The following LGR6 variants were observed in gnomAD, a reference collection of about 807,000 sequenced individuals.
LGR6 encodes the protein leucine-rich repeat-containing G protein-coupled receptor 6.
Under a neutral mutation model 69.4 loss-of-function variants are expected in LGR6, and 45 were observed. That is an observed-to-expected ratio of 0.65 (90% CI 0.51 to 0.83). The LOEUF is 0.83. Among genes scored for constraint, LGR6 ranks in the 40% least tolerant of loss-of-function variants. The probability of loss-of-function intolerance (pLI) is 0.00; values close to 1 mark genes in which losing one functional copy is unlikely to be tolerated. For synonymous variants in LGR6, 538 were observed against 555.0 expected, an observed-to-expected ratio of 0.97 and a Z score of 0.43; for missense variants, 1,108 against 1,246.7, an observed-to-expected ratio of 0.89 and a Z score of 1.68.
chr1:202,318,703 C>CT lies in LGR6; in HGVS notation c.2402dup (p.Val803CysfsTer35). On this transcript the variant is annotated frameshift_variant, in exon 18 of 18. Coordinates refer to ENST00000367278, the MANE Select transcript of LGR6 (RefSeq NM_001017403.2). LOFTEE classifies it low-confidence loss of function (END_TRUNC). ...TCAGCTTTGCCTCCATGCTGGGCCTCTTCCCTGTCACGCCCGAGGCCGTCA... is the reference window on the plus strand; with the variant it reads ...TCAGCTTTGCCTCCATGCTGGGCCTCTTTCCCTGTCACGCCCGAGGCCGTCA... 1 of 1,613,670 alleles carries CT rather than the reference C, an allele frequency of 6.2e-7. No individual in the cohort carries two copies. The highest frequency in any genetic ancestry group is 8.5e-7 in the Non-Finnish European group (1 of 1,180,030).
chr1:202,318,633 G>A lies in LGR6; in HGVS notation c.2330G>A (p.Trp777Ter). The change falls in exon 18 of 18, where the codon TGG (tryptophan) becomes TAG (stop). Residue 777 changes from tryptophan to a stop codon, truncating the protein, a stop_gained. Coordinates refer to ENST00000367278, the MANE Select transcript of LGR6 (RefSeq NM_001017403.2). LOFTEE classifies it low-confidence loss of function (END_TRUNC). The part of the protein sequence containing the change: ...WDCAMVRHVA[W>*]LIFADGLLYC... Reference sequence around the variant, plus strand: ...TGCGCCATGGTGAGGCACGTGGCCTGGCTCATCTTCGCAGACGGGCTCCTC... The same window carrying A: ...TGCGCCATGGTGAGGCACGTGGCCTAGCTCATCTTCGCAGACGGGCTCCTC... 1 of 1,613,910 alleles carries A rather than the reference G, an allele frequency of 6.2e-7. No individual in the cohort carries two copies.
intron 4 of LGR6, among the ~76,000 whole-genome samples, chr1:202,237,334 C>T (rs1166461176): frequency 2.0e-5 from 3 of 152,236 alleles, no homozygotes; most frequent in Admixed American, 2.0e-4. Context: ...TGCTTGCTCC[C>T]CACCCGCAGG....
In LGR6 at chr1:202,194,012, G is replaced by A. The variant is rs963485863; in HGVS notation, c.23G>A (p.Arg8Gln). 5.1e-6 allele frequency: 7 copies of A among 1,380,366 alleles called. No homozygotes were observed. The highest frequency in any genetic ancestry group is 6.4e-5 in the Admixed American group (2 of 31,260). The allele number at this position is 1,380,366 out of a possible 1,614,324, so 85.5% of individuals were successfully genotyped here. A position where few individuals can be genotyped will look rare whatever the true frequency, so the allele number is the denominator to read the frequency against. MPSPPGL[R>Q]ALWLCAALCA... Reference sequence around the variant, plus strand: ...GAGATGCCCAGCCCGCCGGGGCTCCGGGCGCTATGGCTTTGCGCCGCGCTG... The same window carrying A: ...GAGATGCCCAGCCCGCCGGGGCTCCAGGCGCTATGGCTTTGCGCCGCGCTG... Residue 8 changes from arginine (R) to glutamine (Q), a missense_variant, in exon 1 of 18, where the codon CGG becomes CAG. Arg to Gln is a conservative substitution (Grantham distance 43, BLOSUM62 1). Transcript: ENST00000367278.
intron 1 of LGR6, chr1:202,197,576 A>T (rs1238623735): frequency 4.8e-6 from 2 of 416,860 alleles, no homozygotes; most frequent in Non-Finnish European, 4.8e-6. Context: ...GGTGACGAGA[A>T]GGCATGATGC....
chr1:202,247,457 C>G (rs1662812882), intron 4 of LGR6, among the ~76,000 whole-genome samples: 1 of 152,206 alleles, frequency 6.6e-6, no homozygotes, highest in South Asian at 2.1e-4. Context: ...GGTCTGTCCC[C>G]TAGGCCCTAA....
intron 4 of LGR6, 164 bp from the exon 5 acceptor site, chr1:202,276,142 G>A (rs1571945763): frequency 1.7e-6 from 1 of 593,186 alleles, no homozygotes; most frequent in East Asian, 2.7e-5. Context: ...GCCAAATATG[G>A]GAACTCGAAG....
intron 4 of LGR6, among the ~76,000 whole-genome samples, chr1:202,258,559 G>A (rs1663972232): frequency 6.6e-6 from 1 of 151,634 alleles, no homozygotes; most frequent in Non-Finnish European, 1.5e-5. Flanking sequence ...TATTTATTGG[G>A]TTGTGTTTGT....
chr1:202,288,522 G>A (rs912291107), intron 6 of LGR6, among the ~76,000 whole-genome samples: 1 of 152,166 alleles, frequency 6.6e-6, no homozygotes, highest in African/African-American at 2.4e-5. Context: ...CTGGGCTTCA[G>A]TTTCCCCATC....
At chr1:202,208,877 A>G (rs1049193927) in intron 1 of LGR6, among the ~76,000 whole-genome samples, 5 of 152,134 alleles carry the variant, frequency 3.3e-5, no homozygotes, top group African/African-American at 1.2e-4. Context: ...TAGCATGCCC[A>G]GTGCCAATGA....
chr1:202,275,157 G>C (rs113026017), intron 4 of LGR6, among the ~76,000 whole-genome samples: 16 of 152,228 alleles, frequency 1.1e-4, no homozygotes, highest in Non-Finnish European at 2.1e-4. Context: ...TTATGGAGCT[G>C]TAGGGCCTTT....
rs773959777 is a variant in LGR6, at chr1:202,318,066, C to T, written c.1763C>T (p.Ala588Val). The T allele has an allele frequency of 6.2e-7, 1 of 1,614,230 alleles. No homozygotes were observed. The highest frequency in any genetic ancestry group is 1.1e-5 in the South Asian group (1 of 91,084). ...GGACTGGTGCTGCTGACCGTGTTCG[C>T]TGGCGGGCCTGTCCCCCTGCCCCCG... Reference protein sequence around the residue: ...CNGLVLLTVFAGGPVPLPPVK... With the variant: ...CNGLVLLTVFVGGPVPLPPVK... Residue 588 changes from alanine to valine, a missense_variant, in exon 18 of 18, where the codon GCT becomes GTT. Ala to Val is a moderately conservative substitution (Grantham distance 64). Coordinates refer to ENST00000367278, the MANE Select transcript of LGR6 (RefSeq NM_001017403.2).
chr1:202,215,110 G>C (rs1271580472), intron 1 of LGR6, among the ~76,000 whole-genome samples: 1 of 126,988 alleles, frequency 7.9e-6, no homozygotes, highest in Non-Finnish European at 1.7e-5. Context: ...GATGGGGTTA[G>C]TGAGGGTGGT....
intron 3 of LGR6, among the ~76,000 whole-genome samples, chr1:202,229,950 T>C (rs1660880600): frequency 6.6e-6 from 1 of 152,188 alleles, no homozygotes; most frequent in Non-Finnish European, 1.5e-5. Flanking sequence ...CTGATGTCAA[T>C]TTCCCTCGTA....
intron 4 of LGR6, among the ~76,000 whole-genome samples, chr1:202,272,128 C>T (rs1425520524): frequency 6.6e-6 from 1 of 152,214 alleles, no homozygotes; most frequent in Non-Finnish European, 1.5e-5. Context: ...CTTATTCAAA[C>T]TTATACTTGC....
intron 6 of LGR6, 87 bp downstream of exon 6, chr1:202,280,939 A>T (rs1665953842): frequency 1.6e-6 from 2 of 1,260,438 alleles, no homozygotes; most frequent in African/African-American, 3.0e-5. Flanking sequence ...CAGAGGGAAG[A>T]GCCAGCAGTC....
At chr1:202,266,009 C>G (rs1664616889) in intron 4 of LGR6, among the ~76,000 whole-genome samples, 1 of 151,922 alleles carries the variant, frequency 6.6e-6, no homozygotes. Flanking sequence ...CTCTCTGGTC[C>G]AAAGCTCCCT....
Position 202,318,283 on chromosome 1 carries a change from C to T in LGR6, c.1980C>T (p.Leu660=). 1 of 1,602,808 alleles carries T rather than the reference C, an allele frequency of 6.2e-7. No homozygotes were observed. Among genetic ancestry groups the T allele is most frequent in the South Asian group, 1.1e-5 (1 of 89,502 alleles). Residue 660 remains leucine, a synonymous_variant, in exon 18 of 18, where the codon CTC becomes CTT. Coordinates refer to ENST00000367278, the MANE Select transcript of LGR6 (RefSeq NM_001017403.2). The part of the protein sequence containing the change: ...VLGSEASVLL[L]TLAAVQCSVS... ...GGTCGGAGGCATCGGTGCTGCTGCT[C>T]ACTCTGGCCGCAGTGCAGTGCAGCG... is the stretch of plus-strand genomic sequence containing the variant.
At chr1:202,316,559 A>G (rs1438334181) in intron 17 of LGR6, among the ~76,000 whole-genome samples, 8 of 152,232 alleles carry the variant, frequency 5.3e-5, no homozygotes. Flanking sequence ...TGATAACAAC[A>G]GTAAAATCTT....
chr1:202,265,540 G>A (rs1664577519), intron 4 of LGR6, among the ~76,000 whole-genome samples: 2 of 152,200 alleles, frequency 1.3e-5, no homozygotes, highest in South Asian at 2.1e-4. Flanking sequence ...GGCAGGAATC[G>A]GTGAACACCT....
Sources: gnomAD v4.1 joint callset for allele counts (sites outside exome capture counted in the v4.1 genomes callset) on GRCh38, gnomAD v4.1.1 for gene constraint, MANE v1.5 for transcripts, NCBI Gene and HGNC (gene_info 2026-07-23, HGNC 2026-07-21) for gene names.